OLFM3: variants seen among roughly 807,000 people sequenced by gnomAD.
The protein encoded by OLFM3 is olfactomedin 3, also known as noelin-3.
A neutral mutation model predicts 48.6 loss-of-function variants in OLFM3; 20 were observed. That is an observed-to-expected ratio of 0.41 (90% CI 0.29 to 0.60). The LOEUF (loss-of-function observed/expected upper bound fraction) is 0.60, where lower values mean the gene tolerates loss of function less well. Ranked by LOEUF, OLFM3 falls within the 20% of genes least tolerant of loss-of-function variation. The pLI, the probability that OLFM3 is intolerant of heterozygous loss-of-function variation, is 0.28. For missense variants in OLFM3, 437 were observed against 544.3 expected, an observed-to-expected ratio of 0.80 and a Z score of 1.96; for synonymous variants, 222 against 198.1, an observed-to-expected ratio of 1.12 and a Z score of -1.01.
chr1:101,851,242 A>G (rs2100948585), intron 1 of OLFM3, among the ~76,000 whole-genome samples: 2 of 152,274 alleles, frequency 1.3e-5, no homozygotes, highest in Middle Eastern at 6.8e-3. Flanking sequence ...TCCACTTACT[A>G]GAAAGATACC....
At chr1:101,837,133 T>G in intron 1 of OLFM3, 108 bp from the exon 2 acceptor site, 1 of 1,156,634 alleles carries the variant, frequency 8.6e-7, no homozygotes, top group Non-Finnish European at 1.2e-6. Context: ...TTTAACTTTG[T>G]GTTTTCAATC....
chr1:101,922,632 C>A (rs4908202), intron 1 of OLFM3, among the ~76,000 whole-genome samples: 37 of 151,898 alleles, frequency 2.4e-4, no homozygotes, highest in African/African-American at 7.7e-4. Context: ...TATGAATACC[C>A]GTCAGAAATC....
chr1:101,990,233 G>A (rs1661361193), intron 1 of OLFM3, among the ~76,000 whole-genome samples: 1 of 152,098 alleles, frequency 6.6e-6, no homozygotes, highest in African/African-American at 2.4e-5. Context: ...TTGGAGCTTT[G>A]ACCAAAATGA....
At chr1:101,871,857 A>G (rs1409234621) in intron 1 of OLFM3, among the ~76,000 whole-genome samples, 1 of 152,136 alleles carries the variant, frequency 6.6e-6, no homozygotes, top group Non-Finnish European at 1.5e-5. Flanking sequence ...TATGTATTTT[A>G]GCTACTTATG....
At chr1:101,849,907 A>G (rs148957712) in intron 1 of OLFM3, among the ~76,000 whole-genome samples, 4 of 152,332 alleles carry the variant, frequency 2.6e-5, no homozygotes, top group Non-Finnish European at 4.4e-5. Context: ...GCTGATATGC[A>G]TTACCTGTAG....
intron 1 of OLFM3, among the ~76,000 whole-genome samples, chr1:101,914,754 T>C (rs1658869099): frequency 6.6e-6 from 1 of 152,164 alleles, no homozygotes; most frequent in Non-Finnish European, 1.5e-5. Flanking sequence ...TAATCTGTTG[T>C]AATGGTCAAA....
intron 1 of OLFM3, among the ~76,000 whole-genome samples, chr1:101,894,472 G>T (rs1658119881): frequency 6.6e-6 from 1 of 152,000 alleles, no homozygotes; most frequent in Middle Eastern, 3.2e-3. Context: ...GTAAATCAGT[G>T]GGGCTATTTA....
At chr1:101,805,008 A>C in intron 5 of OLFM3, 93 bp from the exon 6 acceptor site, 1 of 997,338 alleles carries the variant, frequency 1.0e-6, no homozygotes, top group Non-Finnish European at 1.4e-6. Context: ...CACTTATTAT[A>C]ATTCTCAGGC....
intron 1 of OLFM3, among the ~76,000 whole-genome samples, chr1:101,975,503 C>A (rs1005146772): frequency 6.6e-6 from 1 of 150,936 alleles, no homozygotes; most frequent in African/African-American, 2.4e-5. Flanking sequence ...TGGCTGTATT[C>A]TTTTAAAGGA....
rs114496697 is a variant in OLFM3 at position 101,867,388 on chromosome 1, T to G, written c.70-30363A>C. ...GGTGTCATGTTCTTAGTATCTTAATTGTTCTTAATGTTCTTAATATGGAGA... is the reference window on the plus strand; with the variant it reads ...GGTGTCATGTTCTTAGTATCTTAATGGTTCTTAATGTTCTTAATATGGAGA... On this transcript the variant is annotated intron_variant, in intron 1 of 5. Transcript: ENST00000370103. 3.7e-3 allele frequency among the ~76,000 whole-genome samples: 556 copies of G among 152,326 alleles called. 3 individuals carry two copies. Among genetic ancestry groups the G allele is most frequent in the South Asian group, 6.2e-3 (30 of 4,832 alleles).
chr1:101,847,164 C>A, intron 1 of OLFM3: 1 of 546,120 alleles, frequency 1.8e-6, no homozygotes, highest in Non-Finnish European at 2.3e-6. Context: ...CCTTCTTTTT[C>A]CTCCCTTACC....
intron 4 of OLFM3, chr1:101,812,891 T>C: frequency 1.0e-6 from 1 of 993,754 alleles, no homozygotes; most frequent in Non-Finnish European, 1.2e-6. Context: ...AACTTTACTT[T>C]CTTGTAGCAC....
rs761794685 is a variant in OLFM3, at chr1:101,859,473, G to A, written c.70-22448C>T. Reference sequence around the variant, plus strand: ...TAATTAGATGCAAAGACAAGAGAGAGAAACAAGACAAAAGCAGCCTCTAGA... The same window carrying A: ...TAATTAGATGCAAAGACAAGAGAGAAAAACAAGACAAAAGCAGCCTCTAGA... On this transcript the variant is annotated intron_variant, in intron 1 of 5. Transcript: ENST00000370103. Among the ~76,000 whole-genome samples, 62 of 152,096 alleles carry A rather than the reference G, an allele frequency of 4.1e-4. 1 individual carries two copies. The highest frequency in any genetic ancestry group is 5.9e-4 in the Non-Finnish European group (40 of 67,984).
chr1:101,805,592 A>T (rs1653732463), intron 5 of OLFM3, among the ~76,000 whole-genome samples: 1 of 151,798 alleles, frequency 6.6e-6, no homozygotes, highest in Non-Finnish European at 1.5e-5. Context: ...CAGAAGTTTC[A>T]GCGCTATTTC....
chr1:101,828,627 C>T (rs775804886), intron 3 of OLFM3, among the ~76,000 whole-genome samples: 3 of 152,128 alleles, frequency 2.0e-5, no homozygotes, highest in Non-Finnish European at 2.9e-5. Flanking sequence ...CCTGTCTTCT[C>T]GCAAAAGTTC....
intron 1 of OLFM3, among the ~76,000 whole-genome samples, chr1:101,931,424 C>T (rs1659442496): frequency 6.6e-6 from 1 of 152,166 alleles, no homozygotes; most frequent in African/African-American, 2.4e-5. Context: ...ACTGCTATCC[C>T]ATGGTATAGC....
chr1:101,859,119 G>A (rs925197748), intron 1 of OLFM3, among the ~76,000 whole-genome samples: 1 of 151,914 alleles, frequency 6.6e-6, no homozygotes, highest in African/African-American at 2.4e-5. Flanking sequence ...AAAAATGCAT[G>A]ATAGGGGGAA....
At chr1:101,841,920 T>A (rs780917820) in intron 1 of OLFM3, among the ~76,000 whole-genome samples, 4 of 152,206 alleles carry the variant, frequency 2.6e-5, no homozygotes, top group Non-Finnish European at 4.4e-5. Context: ...AAATCCCTGA[T>A]AAATTTTCTG....
chr1:101,944,447 T>C (rs1431372716), intron 1 of OLFM3, among the ~76,000 whole-genome samples: 3 of 152,130 alleles, frequency 2.0e-5, no homozygotes, highest in African/African-American at 7.2e-5. Context: ...CAAGCAGTGC[T>C]TAAAGGAGGG....
Sources: allele counts gnomAD v4.1 joint callset (sites outside exome capture counted in the v4.1 genomes callset), GRCh38; gene constraint gnomAD v4.1.1; transcripts MANE v1.5; gene names NCBI Gene and HGNC (gene_info 2026-07-23, HGNC 2026-07-21).